MYH14: variants seen among roughly 807,000 people sequenced by gnomAD.
The protein encoded by MYH14 is myosin-14.
A neutral mutation model predicts 255.5 loss-of-function variants in MYH14; 123 were observed. That is an observed-to-expected ratio of 0.48 (90% CI 0.42 to 0.56). The LOEUF (loss-of-function observed/expected upper bound fraction) is 0.56, where lower values mean the gene tolerates loss of function less well. Among genes scored for constraint, MYH14 ranks in the 20% least tolerant of loss-of-function variants. The pLI is 0.00. For synonymous variants in MYH14, 1,095 were observed against 1,161.2 expected (o/e 0.94, Z 1.16); for missense variants, 2,423 against 2,802.3 (o/e 0.86, Z 3.06).
At position 50,307,992 on chromosome 19, in the gene MYH14, T is replaced by G. The variant is rs572466468; in HGVS notation, c.5787+835T>G. On this transcript the variant is annotated intron_variant, in intron 41 of 42. Coordinates refer to ENST00000642316, the MANE Select transcript of MYH14 (RefSeq NM_001145809.2). The stretch of plus-strand genomic sequence containing the variant: ...CCCTGCCCTCATGGAGCTCACATTT[T>G]CTGCATAGGATGAGACGTAATAAAC... Among the ~76,000 whole-genome samples, 4 of 152,332 alleles carry G rather than the reference T, an allele frequency of 2.6e-5. No individual in the cohort carries two copies. The South Asian group carries it at 8.3e-4, about 32-fold the overall frequency.
intron 24 of MYH14, among the ~76,000 whole-genome samples, chr19:50,270,933 A>T (rs1450262067): frequency 3.3e-5 from 5 of 152,124 alleles, no homozygotes; most frequent in Middle Eastern, 3.2e-3. Context: ...TGACCTCGTG[A>T]TCCGCCTGCC....
chr19:50,286,061 G>A, intron 33 of MYH14: 1 of 156,978 alleles, frequency 6.4e-6, no homozygotes, highest in Non-Finnish European at 1.4e-5. Context: ...TAGGTCATCT[G>A]TGGGTCTATT....
intron 30 of MYH14, among the ~76,000 whole-genome samples, chr19:50,279,164 G>A (rs768161617): frequency 2.0e-5 from 3 of 151,824 alleles, no homozygotes; most frequent in African/African-American, 7.3e-5. Context: ...CCCCACCCAG[G>A]GAACCACTAA....
chr19:50,249,388 G>C lies in MYH14; in HGVS notation c.1482+249G>C, dbSNP rs1244872642. 4 of 574,678 alleles carry C rather than the reference G, an allele frequency of 7.0e-6. No individual in the cohort carries two copies. The South Asian group carries it at 8.9e-5, about 13-fold the overall frequency. The allele number at this position is 574,678 out of a possible 1,614,324, so 35.6% of individuals were successfully genotyped here. Reference sequence around the variant, plus strand: ...GGGTCTCTGTCCCCCTCTCTCTCTGGGTCTCTGTCCTCTCTCTCTGCATCT... The same window carrying C: ...GGGTCTCTGTCCCCCTCTCTCTCTGCGTCTCTGTCCTCTCTCTCTGCATCT... On this transcript the variant is annotated intron_variant, in intron 13 of 42. Transcript: ENST00000642316.
At chr19:50,237,682 G>A (rs1406052851) in intron 10 of MYH14, among the ~76,000 whole-genome samples, 8 of 152,154 alleles carry the variant, frequency 5.3e-5, no homozygotes, top group Admixed American at 1.3e-4. Context: ...ACAGGGTGGC[G>A]CTAGTTTCCA....
rs1230417173 is a variant in MYH14 at position 50,280,476 on chromosome 19, C to A, written c.4290+93C>A. Reference sequence around the variant, plus strand: ...GCTCAGGGATGGCCATGCTGCCCACCTTCTCATAGGCCAGACCCATGGGTG... The same window carrying A: ...GCTCAGGGATGGCCATGCTGCCCACATTCTCATAGGCCAGACCCATGGGTG... On this transcript the variant is annotated intron_variant, in intron 32 of 42. Coordinates refer to ENST00000642316, the MANE Select transcript of MYH14 (RefSeq NM_001145809.2). The surrounding 1 kb of genome is among the most constrained non-coding windows in gnomAD (Gnocchi z 4.8). 3.0e-6 allele frequency: 4 copies of A among 1,330,786 alleles called. No homozygotes were observed. The highest frequency in any genetic ancestry group is 5.4e-4 in the Middle Eastern group (2 of 3,702). 82.4% of individuals were successfully genotyped at this position (1,330,786 alleles called of 1,614,324 possible).
At chr19:50,299,906 C>T (rs202169808) in intron 39 of MYH14, among the ~76,000 whole-genome samples, 5 of 152,322 alleles carry the variant, frequency 3.3e-5, no homozygotes, top group East Asian at 3.9e-4. Context: ...GATCGTGCCA[C>T]TACACTCCAG....
In MYH14 at chr19:50,293,190, T is replaced by C. The variant is rs780163585; in HGVS notation, c.5257-43T>C. ...GAAAGGGGTGAGACCCGTGCCCAGA[T>C]TGCTTCTCCTCACACCCACCGGCCA... is the stretch of plus-strand genomic sequence containing the variant. On this transcript the variant is annotated intron_variant, in intron 37 of 42. Transcript: ENST00000642316. The surrounding 1 kb of genome is among the most constrained non-coding windows in gnomAD (Gnocchi z 4.1). The C allele has an allele frequency of 2.8e-6, 4 of 1,445,048 alleles. No individual in the cohort carries two copies. The highest frequency in any genetic ancestry group is 2.8e-5 in the African/African-American group (2 of 71,182). 89.5% of individuals were successfully genotyped at this position (1,445,048 alleles called of 1,614,324 possible). A position where few individuals can be genotyped will look rare whatever the true frequency, so the allele number is the denominator to read the frequency against.
chr19:50,245,753 G>A (rs2034087510), intron 11 of MYH14, among the ~76,000 whole-genome samples: 1 of 152,218 alleles, frequency 6.6e-6, no homozygotes, highest in Admixed American at 6.5e-5. Flanking sequence ...CATTACCTGA[G>A]GCACCTGGGG....
At chr19:50,306,094 C>A (rs186828677) in intron 40 of MYH14, among the ~76,000 whole-genome samples, 2,409 of 152,210 alleles carry the variant, frequency 0.016, 30 homozygotes, top group Non-Finnish European at 0.022. Context: ...GCCTGACCAA[C>A]ATGGAGAAAC....
chr19:50,309,782 C>T lies in MYH14; in HGVS notation c.6103C>T (p.Pro2035Ser). Residue 2035 changes from proline to serine, a missense_variant, in exon 43 of 43, where the codon CCC (proline) becomes TCC (serine). Around this residue, in one of 3 missense-constraint regions of MYH14, gnomAD observed 1,513 missense variants for 1,674.8 expected, o/e 0.90. Coordinates refer to ENST00000642316, the MANE Select transcript of MYH14 (RefSeq NM_001145809.2). ...GCCTGAGGGGTCCCCACCAGCCCAC[C>T]CCCAGTGACCCTACCCTGTCCCCAG... is the stretch of plus-strand genomic sequence containing the variant. ...PEPEGSPPAHPQ is the reference protein window; with the variant it reads ...PEPEGSPPAHSQ 1 of 1,576,676 alleles carries T rather than the reference C, an allele frequency of 6.3e-7. No homozygotes were observed. The highest frequency in any genetic ancestry group is 8.6e-7 in the Non-Finnish European group (1 of 1,160,802).
chr19:50,210,345 CT>C lies in MYH14; in HGVS notation c.-3-15del. 1 of 1,574,142 alleles carries C rather than the reference CT, an allele frequency of 6.4e-7. No individual in the cohort carries two copies. The highest frequency in any genetic ancestry group is 8.6e-7 in the Non-Finnish European group (1 of 1,161,636). On this transcript the variant is annotated splice_polypyrimidine_tract_variant and intron_variant, in intron 1 of 42. Transcript: ENST00000642316. ...CGGAGCCCCATCTGACCCCCACCCT[CT>C]TTCTTTGCCCCTGCAGACCATGGCA...
chr19:50,257,637 C>T (rs898039124), intron 18 of MYH14, among the ~76,000 whole-genome samples, 151 bp downstream of exon 18: 6 of 152,166 alleles, frequency 3.9e-5, no homozygotes, highest in African/African-American at 9.7e-5. Flanking sequence ...GCTCAGGGTC[C>T]GGTTGGGAAA....
At position 50,309,747 on chromosome 19, in the gene MYH14, C is replaced by T. The variant is rs746333658; in HGVS notation, c.6068C>T (p.Pro2023Leu). 9.4e-6 allele frequency: 15 copies of T among 1,593,190 alleles called. No individual in the cohort carries two copies. The highest frequency in any genetic ancestry group is 1.8e-5 in the Admixed American group (1 of 56,944). Residue 2023 changes from proline to leucine, a missense_variant, in exon 43 of 43, where the codon CCA becomes CTA. Physicochemically the swap from Pro to Leu is moderately conservative, Grantham distance 98. Coordinates refer to ENST00000642316, the MANE Select transcript of MYH14 (RefSeq NM_001145809.2). Reference sequence around the variant, plus strand: ...GAGGAAGCACAGCCTGGGTCTGGGCCATCCCCGGAGCCTGAGGGGTCCCCA... The same window carrying T: ...GAGGAAGCACAGCCTGGGTCTGGGCTATCCCCGGAGCCTGAGGGGTCCCCA... ...EAEEAQPGSGPSPEPEGSPPA... is the reference protein window; with the variant it reads ...EAEEAQPGSGLSPEPEGSPPA...
At position 50,230,757 on chromosome 19, in the gene MYH14, C is replaced by G; in HGVS notation, c.973+134C>G. On this transcript the variant is annotated intron_variant, in intron 9 of 42. Coordinates refer to ENST00000642316, the MANE Select transcript of MYH14 (RefSeq NM_001145809.2). The surrounding 1 kb of genome is among the most constrained non-coding windows in gnomAD (Gnocchi z 4.7). Reference sequence around the variant, plus strand: ...AAACACCGACTTCGCATGAGGCTCCCGCAGCCCCTGCTCTCGCTGCGTAGT... The same window carrying G: ...AAACACCGACTTCGCATGAGGCTCCGGCAGCCCCTGCTCTCGCTGCGTAGT... 1 of 702,982 alleles carries G rather than the reference C, an allele frequency of 1.4e-6. No individual in the cohort carries two copies. Among genetic ancestry groups the G allele is most frequent in the South Asian group, 1.7e-5 (1 of 57,432 alleles). The allele number at this position is 702,982 out of a possible 1,614,324, so 43.5% of individuals were successfully genotyped here.
chr19:50,271,959 C>T lies in MYH14; in HGVS notation c.3282C>T (p.Ile1094=), dbSNP rs201046777. The change falls in exon 26 of 43, where the codon ATC becomes ATT. Residue 1094 remains isoleucine, a synonymous_variant. Coordinates refer to ENST00000642316, the MANE Select transcript of MYH14 (RefSeq NM_001145809.2). ...TACGGCTCAAATATGAGGCCACAAT[C>T]GCAGACATGGAGGGTGAGCTCCCGC... ...NKLRLKYEAT[I]ADMEDRLRKE... 21 of 1,609,690 alleles carry T rather than the reference C, an allele frequency of 1.3e-5. No individual in the cohort carries two copies. The African/African-American group carries it at 1.5e-4, about 11-fold the overall frequency.
chr19:50,275,836 A>T (rs1291267696), intron 27 of MYH14, among the ~76,000 whole-genome samples, 155 bp from the exon 28 acceptor site: 9 of 152,132 alleles, frequency 5.9e-5, no homozygotes, highest in Non-Finnish European at 1.0e-4. Flanking sequence ...AGAAAACTTA[A>T]ATTAGTACTG....
At chr19:50,238,390 C>T (rs2033753035) in intron 10 of MYH14, among the ~76,000 whole-genome samples, 1 of 152,222 alleles carries the variant, frequency 6.6e-6, no homozygotes, top group African/African-American at 2.4e-5. Flanking sequence ...ATTAAGTTTG[C>T]TGGGCCAGAT....
rs376445903 is a variant in MYH14, at chr19:50,263,411, G to A, written c.2685G>A (p.Leu895=). ...LKLRHWQWWR[L]FTKVKPLLQV... is the part of the protein sequence containing the mutation. ...TGAGACACTGGCAGTGGTGGCGGCT[G>A]TTTACCAAGGTGAGGGCAGCCTGGG... Residue 895 remains leucine, a synonymous_variant, in exon 22 of 43, where the codon CTG becomes CTA. Coordinates refer to ENST00000642316, the MANE Select transcript of MYH14 (RefSeq NM_001145809.2). 1.4e-5 allele frequency: 23 copies of A among 1,598,026 alleles called. No homozygotes were observed. Among genetic ancestry groups the A allele is most frequent in the Non-Finnish European group, 1.9e-5 (22 of 1,172,810 alleles).
Sources: gnomAD v4.1 joint callset for allele counts (sites outside exome capture counted in the v4.1 genomes callset) on GRCh38, gnomAD v4.1.1 for gene constraint, gnomAD v4.1.1 regional missense constraint, Gnocchi (gnomAD v3.1) non-coding constraint, MANE v1.5 for transcripts, NCBI Gene and HGNC (gene_info 2026-07-23, HGNC 2026-07-21) for gene names.